The following DCX variants were observed in gnomAD, a reference collection of about 807,000 sequenced individuals.
DCX encodes doublecortin.
DCX carries 4 observed loss-of-function variants against 20.9 expected under a neutral mutation model. That is an observed-to-expected ratio of 0.19 (90% CI 0.09 to 0.44). The LOEUF is 0.44. Among genes scored for constraint, DCX ranks in the 20% least tolerant of loss-of-function variants. The pLI is 0.99. For synonymous variants in DCX, 103 were observed against 111.4 expected (o/e 0.92, Z 0.47); for missense variants, 133 against 296.9 (o/e 0.45, Z 4.06).
chrX:111,386,277 G>T (rs1926510006), intron 3 of DCX, among the ~76,000 whole-genome samples: 2 of 111,329 alleles, frequency 1.8e-5, no homozygotes, highest in Admixed American at 1.9e-4. Context: ...ACCGCTCGGT[G>T]AACTGAACCA....
chrX:111,311,887 A>C (rs1014783357), intron 6 of DCX, among the ~76,000 whole-genome samples: 1 of 112,173 alleles, frequency 8.9e-6, no homozygotes. Context: ...AGAAGGCTAG[A>C]GGAAGTTGCT....
rs191440111 is a variant in DCX at position 111,309,146 on chromosome X, G to A, written c.1044+3493C>T. Among the ~76,000 whole-genome samples the A allele has an allele frequency of 1.9e-4, 21 of 112,210 alleles. No homozygotes were observed. The East Asian group carries it at 2.5e-3, about 13-fold the overall frequency. Reference sequence around the variant, plus strand: ...TCCATATTGTAACACTTAAGTATGCGGACTTTGGCTAACCCCATTGCAGCT... The same window carrying A: ...TCCATATTGTAACACTTAAGTATGCAGACTTTGGCTAACCCCATTGCAGCT... On this transcript the variant is annotated intron_variant, in intron 6 of 6. Transcript: ENST00000636035.
At chrX:111,352,837 C>CAGAG (rs768081351) in intron 3 of DCX, among the ~76,000 whole-genome samples, 6,577 of 89,987 alleles carry the variant, frequency 0.073, 247 homozygotes, top group African/African-American at 0.1. Context: ...GACAGACAGA[C>CAGAG]AGAGAGAGAG....
chrX:111,345,688 A>T (rs1056510932), intron 3 of DCX, among the ~76,000 whole-genome samples: 6 of 111,604 alleles, frequency 5.4e-5, no homozygotes, highest in Non-Finnish European at 1.1e-4. Flanking sequence ...CAAAACCACA[A>T]TGAGATACTA....
chrX:111,295,446 G>A lies in DCX; in HGVS notation c.*6241C>T, dbSNP rs1358826530. 8.9e-6 allele frequency: 1 copy of A among 111,812 alleles called. No individual in the cohort carries two copies. The highest frequency in any genetic ancestry group is 1.9e-5 in the Non-Finnish European group (1 of 53,119). The allele number at this position is 111,812 out of a possible 1,213,427, so 9.2% of individuals were successfully genotyped here. A position where few individuals can be genotyped will look rare whatever the true frequency, so the allele number is the denominator to read the frequency against. On this transcript the variant is annotated 3_prime_UTR_variant, in exon 7 of 7. Transcript: ENST00000636035. ...TTATCTTTTCATTTAAATCAACTCC[G>A]ATTGCCTACCAGTTTAGTTAAAACA...
intron 3 of DCX, among the ~76,000 whole-genome samples, chrX:111,366,598 A>C (rs760404304): frequency 8.9e-6 from 1 of 112,163 alleles, no homozygotes; most frequent in Non-Finnish European, 1.9e-5. Context: ...AAGGGCAGAC[A>C]TAAGGATAAG....
chrX:111,401,449 C>T, intron 2 of DCX, 119 bp from the exon 3 acceptor site: 1 of 642,279 alleles, frequency 1.6e-6, no homozygotes, highest in South Asian at 2.7e-5. Flanking sequence ...TGATACTAAC[C>T]AACCTTAGGT....
chrX:111,326,629 G>A (rs1286982724), intron 5 of DCX, among the ~76,000 whole-genome samples: 1 of 111,744 alleles, frequency 8.9e-6, no homozygotes, highest in African/African-American at 3.2e-5. Flanking sequence ...GATTCTAAGA[G>A]TCCATCAGTT....
intron 3 of DCX, among the ~76,000 whole-genome samples, chrX:111,377,270 A>T: frequency 8.9e-6 from 1 of 112,061 alleles, no homozygotes; most frequent in Middle Eastern, 4.6e-3. Context: ...CCCTGTGATT[A>T]ACCAAAACAA....
chrX:111,357,548 T>C (rs1923833386), intron 3 of DCX, among the ~76,000 whole-genome samples: 1 of 111,203 alleles, frequency 9.0e-6, no homozygotes, highest in Admixed American at 9.5e-5. Flanking sequence ...GAGGCCAAGG[T>C]TGGGGGAATC....
intron 3 of DCX, among the ~76,000 whole-genome samples, chrX:111,386,772 C>T (rs1251310213): frequency 9.0e-6 from 1 of 111,667 alleles, no homozygotes; most frequent in Non-Finnish European, 1.9e-5. Flanking sequence ...CACTCAGCTG[C>T]CTTCTGTAGG....
chrX:111,375,326 T>C (rs1302571067), intron 3 of DCX, among the ~76,000 whole-genome samples: 3 of 111,513 alleles, frequency 2.7e-5, no homozygotes, highest in East Asian at 2.8e-4. Flanking sequence ...ACTATAGTTA[T>C]GTAAGATGTT....
At chrX:111,308,688 G>A (rs1282328459) in intron 6 of DCX, among the ~76,000 whole-genome samples, 2 of 111,472 alleles carry the variant, frequency 1.8e-5, no homozygotes, top group African/African-American at 6.5e-5. Flanking sequence ...GGAAACAGAG[G>A]AAAGTGCATA....
intron 3 of DCX, among the ~76,000 whole-genome samples, chrX:111,374,119 A>T (rs1925336834): frequency 8.9e-6 from 1 of 111,972 alleles, no homozygotes; most frequent in Non-Finnish European, 1.9e-5. Flanking sequence ...GTAGGTGCCC[A>T]TGTGGGGTAC....
chrX:111,321,502 A>T (rs1320650044), intron 5 of DCX, among the ~76,000 whole-genome samples: 1 of 111,809 alleles, frequency 8.9e-6, no homozygotes, highest in Non-Finnish European at 1.9e-5. Flanking sequence ...AACTAGGCTG[A>T]CTTATCTAGA....
chrX:111,316,079 T>TAAAAA (rs1430738484), intron 5 of DCX, among the ~76,000 whole-genome samples: 1 of 23,991 alleles, frequency 4.2e-5, no homozygotes, highest in Admixed American at 4.0e-4. Flanking sequence ...TAGAGTATAA[T>TAAAAA]AAAAAATAAA....
chrX:111,316,103 A>T (rs1364798376), intron 5 of DCX, among the ~76,000 whole-genome samples: 4 of 102,991 alleles, frequency 3.9e-5, no homozygotes, highest in South Asian at 4.2e-4. Flanking sequence ...AAAAAAAAAA[A>T]AAAAAAATGT....
intron 5 of DCX, among the ~76,000 whole-genome samples, chrX:111,320,477 T>C (rs746814338): frequency 6.3e-5 from 7 of 111,976 alleles, no homozygotes; most frequent in Non-Finnish European, 1.3e-4. Context: ...TTTTCCTTTA[T>C]TCTTCTTTGC....
intron 3 of DCX, among the ~76,000 whole-genome samples, chrX:111,392,751 C>T: frequency 9.0e-6 from 1 of 111,682 alleles, no homozygotes; most frequent in Middle Eastern, 4.7e-3. Context: ...GAACTGTACA[C>T]TTTGAATAAG....
Sources: gnomAD v4.1 joint callset for allele counts (sites outside exome capture counted in the v4.1 genomes callset) on GRCh38, gnomAD v4.1.1 for gene constraint, MANE v1.5 for transcripts, NCBI Gene and HGNC (gene_info 2026-07-23, HGNC 2026-07-21) for gene names.